The following TRIO variants were observed in gnomAD, a reference collection of about 807,000 sequenced individuals.
The protein encoded by TRIO is triple functional domain protein.
A neutral mutation model predicts 351.9 loss-of-function variants in TRIO; 58 were observed. The observed-to-expected ratio is 0.16, with a 90% CI of 0.13 to 0.21. The LOEUF (loss-of-function observed/expected upper bound fraction) is 0.21, where lower values mean the gene tolerates loss of function less well. Among genes scored for constraint, TRIO ranks in the 10% least tolerant of loss-of-function variants. TRIO has a pLI of 1.00. For missense variants in TRIO, 3,201 were observed against 4,027.8 expected (o/e 0.79, Z 5.56); for synonymous variants, 1,758 against 1,595.7 (o/e 1.10, Z -2.42).
At chr5:14,405,223 C>T (rs946704741) in intron 31 of TRIO, among the ~76,000 whole-genome samples, 7 of 152,134 alleles carry the variant, frequency 4.6e-5, no homozygotes, top group African/African-American at 1.4e-4. Context: ...AATCTGCCAT[C>T]GGGGATTGGC....
At chr5:14,153,909 A>G (rs1787963781) in intron 1 of TRIO, among the ~76,000 whole-genome samples, 1 of 152,210 alleles carries the variant, frequency 6.6e-6, no homozygotes, top group Non-Finnish European at 1.5e-5. Context: ...GTCTCACACC[A>G]AATAAAACTT....
In TRIO at chr5:14,465,646, G is replaced by A. The variant is rs73749263; in HGVS notation, c.5763+6G>A. The A allele has an allele frequency of 1.9e-6, 3 of 1,614,054 alleles. No individual in the cohort carries two copies. The highest frequency in any genetic ancestry group is 2.2e-5 in the South Asian group (2 of 91,054). ...AACTCGTGAAAAGCAAGATGGTGAGGCCTCCCAGAGAAAGTCTGACTTTTG... is the reference window on the plus strand; with the variant it reads ...AACTCGTGAAAAGCAAGATGGTGAGACCTCCCAGAGAAAGTCTGACTTTTG... On this transcript the variant is annotated splice_donor_region_variant and intron_variant, in intron 37 of 56. Coordinates refer to ENST00000344204, the MANE Select transcript of TRIO (RefSeq NM_007118.4).
intron 23 of TRIO, 153 bp downstream of exon 23, chr5:14,388,000 C>T (rs1746696929): frequency 1.8e-5 from 12 of 681,842 alleles, no homozygotes; most frequent in Non-Finnish European, 5.0e-6. Flanking sequence ...ACAGACTTCG[C>T]TGCGTTCACT....
chr5:14,181,692 C>G (rs1037875451), intron 1 of TRIO, among the ~76,000 whole-genome samples: 1 of 152,186 alleles, frequency 6.6e-6, no homozygotes, highest in African/African-American at 2.4e-5. Flanking sequence ...CTGGCTGCCC[C>G]CTGCTTGACT....
chr5:14,185,306 T>C (rs1296684543), intron 1 of TRIO, among the ~76,000 whole-genome samples: 1 of 152,220 alleles, frequency 6.6e-6, no homozygotes, highest in East Asian at 1.9e-4. Context: ...AATTGAATCC[T>C]GAAAACTCCT....
chr5:14,205,675 G>A (rs1791413074), intron 1 of TRIO, among the ~76,000 whole-genome samples: 1 of 152,150 alleles, frequency 6.6e-6, no homozygotes, highest in African/African-American at 2.4e-5. Context: ...GATGCCAGTT[G>A]GTTTCTTACT....
chr5:14,326,723 T>A (rs573088232), intron 9 of TRIO, among the ~76,000 whole-genome samples: 1 of 152,344 alleles, frequency 6.6e-6, no homozygotes, highest in East Asian at 1.9e-4. Flanking sequence ...CTGGCTGGAC[T>A]GGATAGATAA....
intron 23 of TRIO, 22 bp from the exon 24 acceptor site, chr5:14,388,591 T>C (rs377551692): frequency 6.2e-7 from 1 of 1,608,028 alleles, no homozygotes; most frequent in African/African-American, 1.3e-5. Flanking sequence ...ACTGTACTCC[T>C]CACTGTCTTC....
At chr5:14,297,432 T>C (rs1457453846) in intron 7 of TRIO, 169 bp downstream of exon 7, 4 of 753,298 alleles carry the variant, frequency 5.3e-6, no homozygotes, top group East Asian at 5.5e-5. Flanking sequence ...TAGTCCTTGC[T>C]GCGTAACCTT....
intron 1 of TRIO, among the ~76,000 whole-genome samples, chr5:14,234,307 G>A (rs552130939): frequency 1.2e-4 from 19 of 152,246 alleles, no homozygotes; most frequent in South Asian, 1.2e-3. Context: ...TAGGGGTGCC[G>A]GGCAGTAGAG....
intron 1 of TRIO, among the ~76,000 whole-genome samples, chr5:14,176,558 GTCC>G: frequency 6.6e-6 from 1 of 152,230 alleles, no homozygotes; most frequent in South Asian, 2.1e-4. Context: ...GGCTCAGGCA[GTCC>G]TCCTACCTCA....
chr5:14,436,303 T>C (rs565955275), intron 34 of TRIO, among the ~76,000 whole-genome samples: 1 of 152,228 alleles, frequency 6.6e-6, no homozygotes, highest in East Asian at 1.9e-4. Context: ...CGTCAGGTCT[T>C]ATGAGACTTA....
intron 34 of TRIO, among the ~76,000 whole-genome samples, chr5:14,460,384 A>C (rs2126491406): frequency 6.6e-6 from 1 of 152,284 alleles, no homozygotes. Flanking sequence ...GAGCCCCACC[A>C]GCTCTGCCAC....
At chr5:14,405,636 T>A (rs778285725) in intron 31 of TRIO, among the ~76,000 whole-genome samples, 9 of 152,196 alleles carry the variant, frequency 5.9e-5, no homozygotes, top group Admixed American at 3.3e-4. Flanking sequence ...TGGAGTAATA[T>A]ACGTGCTATA....
intron 1 of TRIO, among the ~76,000 whole-genome samples, chr5:14,253,260 G>A (rs996002647): frequency 6.6e-6 from 1 of 152,198 alleles, no homozygotes; most frequent in Admixed American, 6.5e-5. Flanking sequence ...CTATTTAGGG[G>A]TATGTGTCAC....
rs772907016 is a variant in TRIO, at chr5:14,472,566, T to C, written c.5913-26T>C. On this transcript the variant is annotated intron_variant, in intron 38 of 56. Coordinates refer to ENST00000344204, the MANE Select transcript of TRIO (RefSeq NM_007118.4). ...AAATTCATTTAGAAAACAGTTTGCA[T>C]GATAAACAATATTTTTTCTCTCCAG... The C allele has an allele frequency of 2.5e-6, 4 of 1,613,296 alleles. No homozygotes were observed. In the African/African-American group the frequency reaches 4.0e-5, roughly 16 times the overall value.
chr5:14,282,681 A>G (rs1242671759), intron 3 of TRIO, among the ~76,000 whole-genome samples: 2 of 152,180 alleles, frequency 1.3e-5, no homozygotes, highest in African/African-American at 4.8e-5. Flanking sequence ...GATTTTGCCA[A>G]TCTTGTTTTT....
intron 45 of TRIO, 108 bp from the exon 46 acceptor site, chr5:14,482,473 GA>G (rs1286250364): frequency 1.2e-5 from 11 of 884,330 alleles, no homozygotes; most frequent in African/African-American, 1.7e-5. Context: ...ATTAATAAAA[GA>G]AAAATACATT....
chr5:14,196,860 T>G (rs1238662504), intron 1 of TRIO, among the ~76,000 whole-genome samples: 1 of 152,240 alleles, frequency 6.6e-6, no homozygotes, highest in Admixed American at 6.5e-5. Context: ...GCATATGCCA[T>G]TCGATGAGTC....
Sources: gnomAD v4.1 joint callset for allele counts (sites outside exome capture counted in the v4.1 genomes callset) on GRCh38, gnomAD v4.1.1 for gene constraint, MANE v1.5 for transcripts, NCBI Gene and HGNC (gene_info 2026-07-23, HGNC 2026-07-21) for gene names.